RNF170: variants seen among roughly 807,000 people sequenced by gnomAD.
RNF170 encodes ring finger protein 170.
RNF170 carries 12 observed loss-of-function variants against 32.7 expected under a neutral mutation model. The ratio of observed to expected loss-of-function variants is 0.37; its 90% CI spans 0.24 to 0.60. The LOEUF is 0.60. Ranked by LOEUF, RNF170 falls within the 20% of genes least tolerant of loss-of-function variation. The pLI, the probability that RNF170 is intolerant of heterozygous loss-of-function variation, is 0.72. For missense variants in RNF170, 212 were observed against 311.2 expected, an observed-to-expected ratio of 0.68 and a Z score of 2.40; for synonymous variants, 91 against 103.6, an observed-to-expected ratio of 0.88 and a Z score of 0.74.
chr8:42,893,155 C>T (rs1211007161), intron 1 of RNF170, among the ~76,000 whole-genome samples: 6 of 152,022 alleles, frequency 3.9e-5, no homozygotes, highest in Non-Finnish European at 5.9e-5. Flanking sequence ...GTTAGTAGTG[C>T]GCAGGGTCTT....
Position 42,856,023 on chromosome 8 carries a change from A to G in RNF170, c.*136T>C. 1 of 1,552,786 alleles carries G rather than the reference A, an allele frequency of 6.4e-7. No individual in the cohort carries two copies. Among genetic ancestry groups the G allele is most frequent in the Non-Finnish European group, 8.7e-7 (1 of 1,149,754 alleles). On this transcript the variant is annotated 3_prime_UTR_variant, in exon 7 of 7. Coordinates refer to ENST00000527424, the MANE Select transcript of RNF170 (RefSeq NM_030954.4). ...CTAGGTATTTGTCAAATGATAATCA[A>G]ATGTTTGTCTTATAGTGGTTTTATA...
chr8:42,867,451 AT>A lies in RNF170; in HGVS notation c.323-1963del, dbSNP rs1251600238. ...GCGCCACTGCACTCCAGCCTGGGCA[AT>A]AAGAGCAAAACTCCGTCTCAAAAAA... On this transcript the variant is annotated intron_variant, in intron 4 of 6. Coordinates refer to ENST00000527424, the MANE Select transcript of RNF170 (RefSeq NM_030954.4). 1.0e-3 allele frequency among the ~76,000 whole-genome samples: 135 copies of A among 134,084 alleles called. No homozygotes were observed. In the Middle Eastern group the frequency reaches 0.013, roughly 13 times the overall value. The allele number at this position is 134,084 out of a possible 152,430, so 88.0% of individuals were successfully genotyped here. A position where few individuals can be genotyped will look rare whatever the true frequency, so the allele number is the denominator to read the frequency against.
chr8:42,884,065 G>T (rs1805622801), intron 2 of RNF170, among the ~76,000 whole-genome samples: 1 of 151,994 alleles, frequency 6.6e-6, no homozygotes, highest in Admixed American at 6.6e-5. Context: ...GCGCCTGGCA[G>T]AATAAATTTA....
intron 1 of RNF170, among the ~76,000 whole-genome samples, chr8:42,893,775 A>G (rs1238535138): frequency 2.0e-5 from 3 of 152,196 alleles, no homozygotes; most frequent in Non-Finnish European, 4.4e-5. Flanking sequence ...GCTGCTCCAC[A>G]TAGCATCTCA....
chr8:42,874,149 G>A (rs1035111561), intron 2 of RNF170, 143 bp from the exon 3 acceptor site: 5 of 651,270 alleles, frequency 7.7e-6, no homozygotes, highest in Admixed American at 2.3e-5. Context: ...AGGACTGTAC[G>A]TTTCAGGCTG....
chr8:42,893,939 CA>C (rs764974330), intron 1 of RNF170, among the ~76,000 whole-genome samples: 15 of 152,192 alleles, frequency 9.9e-5, no homozygotes, highest in Non-Finnish European at 1.2e-4. Context: ...ACAGCTAAGA[CA>C]AGTTCAACTC....
chr8:42,854,774 T>A lies in RNF170; in HGVS notation c.*1385A>T. The A allele has an allele frequency of 7.8e-7, 1 of 1,287,460 alleles. No homozygotes were observed. The highest frequency in any genetic ancestry group is 1.2e-5 in the South Asian group (1 of 80,940). The allele number at this position is 1,287,460 out of a possible 1,614,324, so 79.8% of individuals were successfully genotyped here. On this transcript the variant is annotated 3_prime_UTR_variant, in exon 7 of 7. Transcript: ENST00000527424. ...GACTCCTGGGCATCCCCTCACATCC[T>A]GCTGTCATACATTCACTAATGAGCA... is the stretch of plus-strand genomic sequence containing the variant.
downstream of RNF170, among the ~76,000 whole-genome samples, chr8:42,851,885 G>A (rs1199946213): frequency 2.0e-5 from 3 of 152,266 alleles, no homozygotes; most frequent in Middle Eastern, 0.01. Flanking sequence ...CTCCTGCCTC[G>A]GACTCCCAAA....
intron 1 of RNF170, among the ~76,000 whole-genome samples, chr8:42,889,942 T>C (rs1002906640): frequency 1.3e-5 from 2 of 152,174 alleles, no homozygotes; most frequent in Non-Finnish European, 2.9e-5. Context: ...TGCTCAAAGA[T>C]AACCCAAATG....
intron 2 of RNF170, among the ~76,000 whole-genome samples, chr8:42,876,617 G>T (rs1804951685): frequency 7.0e-6 from 1 of 143,510 alleles, no homozygotes; most frequent in Admixed American, 7.0e-5. Context: ...AATGTTTATT[G>T]TTTAAGCCAC....
intron 4 of RNF170, among the ~76,000 whole-genome samples, chr8:42,866,412 G>A (rs1266398846): frequency 1.3e-5 from 2 of 151,720 alleles, no homozygotes; most frequent in Non-Finnish European, 2.9e-5. Context: ...GTGGTGGTGG[G>A]TGCTACTTGG....
At chr8:42,858,369 C>G (rs976273413) in intron 6 of RNF170, among the ~76,000 whole-genome samples, 3 of 152,142 alleles carry the variant, frequency 2.0e-5, no homozygotes, top group Admixed American at 2.0e-4. Context: ...CTGTTTAACA[C>G]TGAAGCATCT....
At chr8:42,867,384 T>C (rs1165099219) in intron 4 of RNF170, among the ~76,000 whole-genome samples, 3 of 149,224 alleles carry the variant, frequency 2.0e-5, no homozygotes, top group Admixed American at 6.7e-5. Flanking sequence ...TGCAGGAGAA[T>C]TGCTTGAACC....
Position 42,856,168 on chromosome 8 carries a change from T to C in RNF170, c.768A>G (p.Leu256=). ...IMYREVITQR[L]TR is the part of the protein sequence containing the mutation. The stretch of plus-strand genomic sequence containing the variant: ...AGTTTTGTTTTCTTTTTCATCTAGT[T>C]AGCCTTTGGGTTATCACTTCTCGAT... The change falls in exon 7 of 7, where the codon CTA becomes CTG. Residue 256 remains leucine, a synonymous_variant. Coordinates refer to ENST00000527424, the MANE Select transcript of RNF170 (RefSeq NM_030954.4). The C allele has an allele frequency of 6.2e-7, 1 of 1,613,136 alleles. No homozygotes were observed. The highest frequency in any genetic ancestry group is 8.5e-7 in the Non-Finnish European group (1 of 1,179,678).
chr8:42,885,560 C>T (rs1805748053), intron 2 of RNF170, among the ~76,000 whole-genome samples: 1 of 152,150 alleles, frequency 6.6e-6, no homozygotes, highest in African/African-American at 2.4e-5. Context: ...CACACCCTTG[C>T]CAATGCTTCT....
intron 1 of RNF170, among the ~76,000 whole-genome samples, chr8:42,889,133 G>T (rs892431400): frequency 9.9e-5 from 15 of 152,150 alleles, no homozygotes; most frequent in African/African-American, 3.6e-4. Flanking sequence ...GAAAATTCTG[G>T]TGCTTGAAAA....
chr8:42,853,099 C>G (rs868670189), downstream of RNF170, among the ~76,000 whole-genome samples: 1 of 151,974 alleles, frequency 6.6e-6, no homozygotes, highest in Non-Finnish European at 1.5e-5. Flanking sequence ...GCACTCCAAC[C>G]TGGGCAAGAG....
At chr8:42,896,819 C>G (rs1409343491), upstream of RNF170, 1 of 169,878 alleles carries the variant, frequency 5.9e-6, no homozygotes, top group Non-Finnish European at 1.3e-5. Context: ...TGCGCAGTGG[C>G]TCCTCGGCCT....
chr8:42,850,052 G>C (rs187468962), downstream of RNF170: 2 of 153,792 alleles, frequency 1.3e-5, no homozygotes, highest in East Asian at 3.8e-4. Flanking sequence ...ATCTGGAGTT[G>C]GTGAGAGTTG....
Sources: gnomAD v4.1 joint callset for allele counts (sites outside exome capture counted in the v4.1 genomes callset) on GRCh38, gnomAD v4.1.1 for gene constraint, MANE v1.5 for transcripts, NCBI Gene and HGNC (gene_info 2026-07-23, HGNC 2026-07-21) for gene names.